EPHA7: variants seen among roughly 807,000 people sequenced by gnomAD.
The protein encoded by EPHA7 is ephrin type-A receptor 7.
A neutral mutation model predicts 112.6 loss-of-function variants in EPHA7; 25 were observed. The ratio of observed to expected loss-of-function variants is 0.22; its 90% confidence interval spans 0.16 to 0.31. EPHA7 has a LOEUF of 0.31. EPHA7 is among the 10% of genes least tolerant of loss of function. The pLI, the probability that EPHA7 is intolerant of heterozygous loss-of-function variation, is 1.00. For missense variants in EPHA7, 962 were observed against 1,212.6 expected (o/e 0.79, Z 3.07); for synonymous variants, 437 against 406.5 (o/e 1.07, Z -0.90).
chr6:93,400,739 CG>C (rs1207233331), intron 3 of EPHA7, among the ~76,000 whole-genome samples: 1 of 151,934 alleles, frequency 6.6e-6, no homozygotes, highest in Admixed American at 6.6e-5. Flanking sequence ...GGTCTCACTA[CG>C]TTGCTCAGGC....
At chr6:93,309,841 T>C (rs1245859693) in intron 5 of EPHA7, among the ~76,000 whole-genome samples, 1 of 152,148 alleles carries the variant, frequency 6.6e-6, no homozygotes, top group African/African-American at 2.4e-5. Context: ...AAATGAACAA[T>C]ATCGTTAAGT....
At chr6:93,386,076 C>G (rs144085386) in intron 3 of EPHA7, among the ~76,000 whole-genome samples, 114 of 152,248 alleles carry the variant, frequency 7.5e-4, no homozygotes, top group Non-Finnish European at 1.3e-3. Flanking sequence ...GACACAGAGT[C>G]AGGCCACATC....
chr6:93,348,447 T>C (rs1775518824), intron 5 of EPHA7, among the ~76,000 whole-genome samples: 1 of 151,846 alleles, frequency 6.6e-6, no homozygotes, highest in African/African-American at 2.4e-5. Flanking sequence ...TTCAATGTTA[T>C]ATAAAAGATA....
rs932519625 is a variant in EPHA7, at chr6:93,243,103, C to T, written c.*323G>A. On this transcript the variant is annotated 3_prime_UTR_variant, in exon 17 of 17. Coordinates refer to ENST00000369303, the MANE Select transcript of EPHA7 (RefSeq NM_004440.4). ...ATTTTATTTGACAAATATATTCTTT[C>T]TTAAATTCTTTATGTACATTTTAAA... 3 of 246,532 alleles carry T rather than the reference C, an allele frequency of 1.2e-5. No homozygotes were observed. Among genetic ancestry groups the T allele is most frequent in the Non-Finnish European group, 2.4e-5 (3 of 127,642 alleles). The allele number at this position is 246,532 out of a possible 1,614,324, so 15.3% of individuals were successfully genotyped here. A position where few individuals can be genotyped will look rare whatever the true frequency, so the allele number is the denominator to read the frequency against.
At chr6:93,343,612 G>A (rs995009061) in intron 5 of EPHA7, among the ~76,000 whole-genome samples, 7 of 151,668 alleles carry the variant, frequency 4.6e-5, no homozygotes, top group African/African-American at 1.7e-4. Flanking sequence ...GCAGGTTCCA[G>A]TTAGTAACTT....
chr6:93,257,431 T>C (rs1770487914), intron 12 of EPHA7, 31 bp downstream of exon 12: 1 of 1,544,230 alleles, frequency 6.5e-7, no homozygotes, highest in Non-Finnish European at 8.8e-7. Flanking sequence ...GCATAGTATA[T>C]TTAGAATAAG....
chr6:93,335,973 A>T (rs1774848599), intron 5 of EPHA7, among the ~76,000 whole-genome samples: 1 of 152,108 alleles, frequency 6.6e-6, no homozygotes, highest in Non-Finnish European at 1.5e-5. Flanking sequence ...TTCTTGCTAT[A>T]ACCTACAAGA....
At chr6:93,342,159 C>T (rs182140356) in intron 5 of EPHA7, among the ~76,000 whole-genome samples, 1 of 151,890 alleles carries the variant, frequency 6.6e-6, no homozygotes, top group African/African-American at 2.4e-5. Flanking sequence ...GCTGATGGAT[C>T]AGGTGACAGA....
At chr6:93,268,714 G>C (rs1466124709) in intron 7 of EPHA7, among the ~76,000 whole-genome samples, 1 of 151,642 alleles carries the variant, frequency 6.6e-6, no homozygotes, top group Non-Finnish European at 1.5e-5. Context: ...AGCAAATGGG[G>C]ACATCCATCC....
At chr6:93,274,662 C>G (rs1339015804) in intron 5 of EPHA7, among the ~76,000 whole-genome samples, 1 of 151,608 alleles carries the variant, frequency 6.6e-6, no homozygotes, top group Non-Finnish European at 1.5e-5. Flanking sequence ...GATACTATAT[C>G]AAGTCACACA....
intron 3 of EPHA7, among the ~76,000 whole-genome samples, chr6:93,395,367 T>C (rs1778115377): frequency 6.6e-6 from 1 of 151,840 alleles, no homozygotes; most frequent in Admixed American, 6.6e-5. Flanking sequence ...AAACTGAATC[T>C]TCTCTTTCTG....
intron 5 of EPHA7, among the ~76,000 whole-genome samples, chr6:93,325,265 A>G (rs1774262930): frequency 1.3e-5 from 2 of 151,536 alleles, no homozygotes; most frequent in South Asian, 4.1e-4. Flanking sequence ...TCTATATTAT[A>G]GAAACTTCAG....
chr6:93,259,636 G>A (rs1770597392), intron 9 of EPHA7, among the ~76,000 whole-genome samples, 157 bp from the exon 10 acceptor site: 1 of 151,924 alleles, frequency 6.6e-6, no homozygotes, highest in Non-Finnish European at 1.5e-5. Context: ...CAGTCTGCTG[G>A]CGTATAGGTA....
chr6:93,315,866 A>G (rs164294), intron 5 of EPHA7, among the ~76,000 whole-genome samples: 114,927 of 152,060 alleles, frequency 0.76, 43,888 homozygotes, highest in African/African-American at 0.87. Context: ...TCTCTTTAGG[A>G]ATCCACAGTT....
At chr6:93,301,643 C>T (rs145225053) in intron 5 of EPHA7, among the ~76,000 whole-genome samples, 1 of 152,276 alleles carries the variant, frequency 6.6e-6, no homozygotes, top group East Asian at 1.9e-4. Context: ...AACTGTCTGT[C>T]ATCTCCACAT....
At chr6:93,308,756 A>G (rs557164555) in intron 5 of EPHA7, among the ~76,000 whole-genome samples, 2 of 152,112 alleles carry the variant, frequency 1.3e-5, no homozygotes, top group East Asian at 3.9e-4. Context: ...CAGCAGAGAA[A>G]TGTAGGTTCA....
At chr6:93,300,123 G>A (rs1316745956) in intron 5 of EPHA7, among the ~76,000 whole-genome samples, 2 of 152,090 alleles carry the variant, frequency 1.3e-5, no homozygotes, top group Non-Finnish European at 2.9e-5. Flanking sequence ...TCCCTGAACT[G>A]AAAGTTTTTT....
chr6:93,312,680 T>C (rs952687570), intron 5 of EPHA7, among the ~76,000 whole-genome samples: 1 of 152,326 alleles, frequency 6.6e-6, no homozygotes, highest in South Asian at 2.1e-4. Flanking sequence ...ATTCACAACT[T>C]GGCTAATGGT....
chr6:93,245,250 A>G (rs1562038874), intron 16 of EPHA7, 48 bp downstream of exon 16: 8 of 1,538,984 alleles, frequency 5.2e-6, no homozygotes, highest in Non-Finnish European at 5.3e-6. Flanking sequence ...TAAAGTGTAG[A>G]TTGTACCTAA....
Sources: allele counts gnomAD v4.1 joint callset (sites outside exome capture counted in the v4.1 genomes callset), GRCh38; gene constraint gnomAD v4.1.1; transcripts MANE v1.5; gene names NCBI Gene and HGNC (gene_info 2026-07-23, HGNC 2026-07-21).